The following FRYL variants were observed in gnomAD, a reference collection of about 807,000 sequenced individuals.
FRYL encodes the protein protein furry homolog-like.
FRYL carries 150 observed loss-of-function variants against 351.2 expected under a neutral mutation model. That is an observed-to-expected ratio of 0.43 (90% CI 0.37 to 0.49). The LOEUF (loss-of-function observed/expected upper bound fraction) is 0.49, where lower values mean the gene tolerates loss of function less well. FRYL is among the 20% of genes least tolerant of loss of function. The pLI, the probability that FRYL is intolerant of heterozygous loss-of-function variation, is 0.00. For synonymous variants in FRYL, 1,153 were observed against 1,257.1 expected, an observed-to-expected ratio of 0.92 and a Z score of 1.75; for missense variants, 3,036 against 3,619.3, an observed-to-expected ratio of 0.84 and a Z score of 4.13.
intron 3 of FRYL, among the ~76,000 whole-genome samples, chr4:48,656,110 A>T (rs1758882239): frequency 9.5e-6 from 1 of 105,430 alleles, no homozygotes; most frequent in Admixed American, 1.3e-4. Flanking sequence ...TATTGTATAC[A>T]TATATACATA....
chr4:48,506,615 A>ATAT (rs1721020765), intron 59 of FRYL: 12 of 71,752 alleles, frequency 1.7e-4, no homozygotes, highest in South Asian at 6.4e-4. Flanking sequence ...CAATACAACT[A>ATAT]ATATATATAT....
At chr4:48,657,246 C>G (rs1188101721) in intron 3 of FRYL, among the ~76,000 whole-genome samples, 4 of 152,172 alleles carry the variant, frequency 2.6e-5, no homozygotes, top group African/African-American at 9.6e-5. Context: ...ACAAGGTTCA[C>G]TGCAGCCTCA....
intron 48 of FRYL, 151 bp from the exon 49 acceptor site, chr4:48,534,836 G>C (rs1728515006): frequency 9.3e-6 from 5 of 539,992 alleles, no homozygotes; most frequent in Non-Finnish European, 1.6e-5. Flanking sequence ...TAAAGTGAAA[G>C]GCAGAGTCTA....
chr4:48,686,836 T>C (rs1488272721), intron 2 of FRYL, among the ~76,000 whole-genome samples: 1 of 152,238 alleles, frequency 6.6e-6, no homozygotes, highest in African/African-American at 2.4e-5. Flanking sequence ...ACTTTAAGAC[T>C]TCTCAATATT....
At chr4:48,666,228 A>AT (rs1478163852) in intron 3 of FRYL, among the ~76,000 whole-genome samples, 1 of 152,106 alleles carries the variant, frequency 6.6e-6, no homozygotes, top group East Asian at 1.9e-4. Flanking sequence ...TTAGCCAGGT[A>AT]TGGTGGCACA....
At chr4:48,548,457 G>A (rs1440309382) in intron 40 of FRYL, among the ~76,000 whole-genome samples, 1 of 152,108 alleles carries the variant, frequency 6.6e-6, no homozygotes, top group Admixed American at 6.5e-5. Context: ...GTGTGGGCAG[G>A]CGAGGCCATA....
intron 33 of FRYL, among the ~76,000 whole-genome samples, chr4:48,560,407 C>A (rs1236645549): frequency 1.3e-5 from 2 of 152,128 alleles, no homozygotes; most frequent in Admixed American, 1.3e-4. Context: ...ATGCTAAGGA[C>A]AAGAGTGTCT....
At chr4:48,593,324 C>G (rs749021876) in intron 16 of FRYL, among the ~76,000 whole-genome samples, 9 of 138,606 alleles carry the variant, frequency 6.5e-5, no homozygotes, top group Non-Finnish European at 1.2e-4. Context: ...GCTGAGCTGA[C>G]TAACCTGATA....
At chr4:48,528,487 T>C in intron 50 of FRYL, 151 bp from the exon 51 acceptor site, 1 of 456,380 alleles carries the variant, frequency 2.2e-6, no homozygotes, top group Non-Finnish European at 3.8e-6. Flanking sequence ...TTAACAAAGA[T>C]CAAAGGTAAT....
chr4:48,736,802 A>G (rs1333341667), intron 1 of FRYL, among the ~76,000 whole-genome samples: 1 of 142,686 alleles, frequency 7.0e-6, no homozygotes, highest in East Asian at 2.2e-4. Context: ...GTGAGCCAAG[A>G]TCGCACCACT....
At chr4:48,566,570 A>G (rs1161577596) in intron 28 of FRYL, among the ~76,000 whole-genome samples, 1 of 152,216 alleles carries the variant, frequency 6.6e-6, no homozygotes, top group Non-Finnish European at 1.5e-5. Context: ...GACATATGTA[A>G]TTAAGTGCTT....
chr4:48,581,599 C>G lies in FRYL; in HGVS notation c.1993G>C (p.Val665Leu), dbSNP rs575420033. The change falls in exon 21 of 64, where the codon GTA (valine) becomes CTA (leucine). Residue 665 changes from valine (V) to leucine (L), a missense_variant. Physicochemically the swap from Val to Leu is conservative, Grantham distance 32. Transcript: ENST00000358350. The part of the protein sequence containing the change: ...HNKNQDTQHG[V>L]ANGASHPPPL... ...GGGGGATGAGAAGCTCCATTAGCTA[C>G]ACCATGCTTGAAAAACAGAAGTTAA... 3.2e-6 allele frequency: 5 copies of G among 1,585,612 alleles called. No individual in the cohort carries two copies. Among genetic ancestry groups the G allele is most frequent in the Non-Finnish European group, 3.4e-6 (4 of 1,170,462 alleles).
intron 54 of FRYL, 140 bp downstream of exon 54, chr4:48,522,761 G>A (rs1407289931): frequency 8.3e-6 from 6 of 726,718 alleles, no homozygotes; most frequent in Non-Finnish European, 1.5e-5. Context: ...ATAACAACAC[G>A]GTACTCCATT....
rs952121265 is a variant in FRYL at position 48,499,104 on chromosome 4, A to G, written c.*318T>C. ...AGTATTGGAGGCCATTATTGCAAAC[A>G]TTCTTGGAATTCTTTTCTTTCCCCA... On this transcript the variant is annotated 3_prime_UTR_variant, in exon 64 of 64. Transcript: ENST00000358350. 7 of 224,270 alleles carry G rather than the reference A, an allele frequency of 3.1e-5. No individual in the cohort carries two copies. The highest frequency in any genetic ancestry group is 6.2e-5 in the Non-Finnish European group (7 of 112,740). The allele number at this position is 224,270 out of a possible 1,614,324, so 13.9% of individuals were successfully genotyped here. A position where few individuals can be genotyped will look rare whatever the true frequency, so the allele number is the denominator to read the frequency against.
At chr4:48,525,587 G>C (rs1400016383) in intron 53 of FRYL, among the ~76,000 whole-genome samples, 1 of 152,176 alleles carries the variant, frequency 6.6e-6, no homozygotes, top group Non-Finnish European at 1.5e-5. Context: ...CCTACAAGAA[G>C]AGCTGATGAA....
chr4:48,760,351 T>C (rs1423490721), intron 1 of FRYL, among the ~76,000 whole-genome samples: 1 of 152,222 alleles, frequency 6.6e-6, no homozygotes, highest in Non-Finnish European at 1.5e-5. Flanking sequence ...TATATAGAAA[T>C]AAAATTCATT....
Position 48,548,718 on chromosome 4 carries a change from G to C in FRYL, c.4860C>G (p.Leu1620=). Reference sequence around the variant, plus strand: ...TAAAAATTGCATGAAGAAGAAGATGGAGGTAGCTTCCCCATTCCACCTTCA... The same window carrying C: ...TAAAAATTGCATGAAGAAGAAGATGCAGGTAGCTTCCCCATTCCACCTTCA... ...HSVKVEWGSY[L]HLLLHAIFIG... The change falls in exon 40 of 64, where the codon CTC becomes CTG. Residue 1620 remains leucine, a synonymous_variant. Transcript: ENST00000358350. The C allele has an allele frequency of 1.2e-6, 2 of 1,605,516 alleles. No individual in the cohort carries two copies. Among genetic ancestry groups the C allele is most frequent in the Non-Finnish European group, 1.7e-6 (2 of 1,172,626 alleles).
intron 25 of FRYL, chr4:48,574,613 T>A (rs1435760933): frequency 6.6e-6 from 1 of 152,170 alleles, no homozygotes; most frequent in Non-Finnish European, 1.5e-5. Flanking sequence ...CTCAAAAGAA[T>A]AAATTCTGTG....
chr4:48,762,840 A>G (rs1774545573), intron 1 of FRYL, among the ~76,000 whole-genome samples: 1 of 152,220 alleles, frequency 6.6e-6, no homozygotes, highest in South Asian at 2.1e-4. Flanking sequence ...AATAAAATCC[A>G]AAGTATACAA....
Sources: allele counts gnomAD v4.1 joint callset (sites outside exome capture counted in the v4.1 genomes callset), GRCh38; gene constraint gnomAD v4.1.1; transcripts MANE v1.5; gene names NCBI Gene and HGNC (gene_info 2026-07-23, HGNC 2026-07-21).